Variants in ZCCHC10 observed in about 807,000 individuals in gnomAD.
ZCCHC10 encodes the protein zinc finger CCHC-type containing 10, also known as zinc finger CCHC domain-containing protein 10.
A neutral mutation model predicts 19.5 loss-of-function variants in ZCCHC10; 16 were observed. That is an observed-to-expected ratio of 0.82 (90% CI 0.56 to 1.25). ZCCHC10 has a LOEUF of 1.25. ZCCHC10 is among the 50% of genes most tolerant of loss of function. ZCCHC10 has a pLI of 0.00. For synonymous variants in ZCCHC10, 67 were observed against 72.5 expected, an observed-to-expected ratio of 0.92 and a Z score of 0.38; for missense variants, 197 against 201.0, an observed-to-expected ratio of 0.98 and a Z score of 0.12.
intron 2 of ZCCHC10, among the ~76,000 whole-genome samples, chr5:133,012,614 G>C (rs1208518090): frequency 1.3e-5 from 2 of 151,212 alleles, no homozygotes; most frequent in African/African-American, 2.4e-5. Context: ...TGAAAAGATA[G>C]TACAAAAATG....
In ZCCHC10 at chr5:133,010,215, AT is replaced by A. The variant is rs543354582; in HGVS notation, c.108-3296del. ...AGGCACACACCACCACGCACGGCTA[AT>A]TTTTTTTATTTTAGTAGAGACGGGG... On this transcript the variant is annotated intron_variant, in intron 2 of 4. Transcript: ENST00000509437. Among the ~76,000 whole-genome samples, 38 of 151,756 alleles carry A rather than the reference AT, an allele frequency of 2.5e-4. No individual in the cohort carries two copies. In the South Asian group the frequency reaches 5.2e-3, roughly 21 times the overall value.
At chr5:133,000,292 CACAT>C (rs1762685397) in intron 3 of ZCCHC10, 119 bp from the exon 4 acceptor site, 13 of 1,142,140 alleles carry the variant, frequency 1.1e-5, no homozygotes, top group Non-Finnish European at 1.6e-5. Context: ...GTGTTTTTAT[CACAT>C]ACAGAGTACA....
intron 4 of ZCCHC10, among the ~76,000 whole-genome samples, chr5:132,999,474 G>A (rs1762628777): frequency 6.6e-6 from 1 of 152,136 alleles, no homozygotes; most frequent in Admixed American, 6.6e-5. Flanking sequence ...TAAACCTCAC[G>A]TAGCTTAGCT....
chr5:133,014,154 C>CTTTTTTTTT (rs767551153), intron 2 of ZCCHC10, among the ~76,000 whole-genome samples: 1 of 113,074 alleles, frequency 8.8e-6, no homozygotes, highest in Non-Finnish European at 1.7e-5. Context: ...ACTATTTACT[C>CTTTTTTTTT]TTTTTTTTTT....
chr5:133,008,218 C>T (rs1222764663), intron 2 of ZCCHC10, among the ~76,000 whole-genome samples: 1 of 115,348 alleles, frequency 8.7e-6, no homozygotes, highest in Non-Finnish European at 1.7e-5. Flanking sequence ...GAGTGAGACT[C>T]TGTCTCAAAA....
At chr5:133,004,869 T>C (rs577023863) in intron 3 of ZCCHC10, among the ~76,000 whole-genome samples, 1 of 152,330 alleles carries the variant, frequency 6.6e-6, no homozygotes, top group South Asian at 2.1e-4. Flanking sequence ...CTTTTGTTAT[T>C]TCCATGTCAC....
chr5:133,005,732 C>T (rs1403012382), intron 3 of ZCCHC10, among the ~76,000 whole-genome samples: 4 of 152,070 alleles, frequency 2.6e-5, no homozygotes, highest in Non-Finnish European at 5.9e-5. Context: ...AGAGGTATAC[C>T]TTTCTTTTGT....
At chr5:133,023,973 C>T (rs1461932602) in intron 1 of ZCCHC10, among the ~76,000 whole-genome samples, 1 of 152,178 alleles carries the variant, frequency 6.6e-6, no homozygotes, top group Non-Finnish European at 1.5e-5. Flanking sequence ...AAAGGCCCTC[C>T]TTTGCTGAAT....
At chr5:133,019,116 G>A in intron 2 of ZCCHC10, 2 of 449,578 alleles carry the variant, frequency 4.4e-6, no homozygotes. Context: ...GGACGCAGTG[G>A]CTCACGCCTA....
chr5:133,006,182 ACCATGTTGGCCAGGCGTCG>A (rs1192244638), intron 3 of ZCCHC10, among the ~76,000 whole-genome samples: 1 of 147,078 alleles, frequency 6.8e-6, no homozygotes, highest in African/African-American at 2.4e-5. Flanking sequence ...ATGGAATTTC[ACCATGTTGGCCAGGCGTCG>A]GCCTCCCAAA....
chr5:133,016,888 C>T (rs1454496267), intron 2 of ZCCHC10, among the ~76,000 whole-genome samples: 1 of 151,908 alleles, frequency 6.6e-6, no homozygotes, highest in Non-Finnish European at 1.5e-5. Context: ...CTTAACTTCA[C>T]TTGGAATCTG....
At chr5:133,008,487 G>C (rs866059792) in intron 2 of ZCCHC10, among the ~76,000 whole-genome samples, 9 of 144,426 alleles carry the variant, frequency 6.2e-5, no homozygotes, top group Non-Finnish European at 1.2e-4. Flanking sequence ...GCAGTGAGCC[G>C]AGATTGCGCC....
chr5:133,015,805 T>TA (rs1395740377), intron 2 of ZCCHC10, among the ~76,000 whole-genome samples: 1 of 152,208 alleles, frequency 6.6e-6, no homozygotes, highest in East Asian at 1.9e-4. Flanking sequence ...TTTATTGTTA[T>TA]AAGCCACTAA....
intron 1 of ZCCHC10, among the ~76,000 whole-genome samples, 167 bp from the exon 2 acceptor site, chr5:133,023,073 A>T (rs1237238567): frequency 6.6e-6 from 1 of 152,184 alleles, no homozygotes; most frequent in Non-Finnish European, 1.5e-5. Context: ...TAAGAAAGAA[A>T]TGGGGTTTAA....
chr5:133,009,325 C>A (rs7725601), intron 2 of ZCCHC10, among the ~76,000 whole-genome samples: 46,954 of 151,142 alleles, frequency 0.31, 8,172 homozygotes, highest in African/African-American at 0.48. Context: ...TTAAAAAAAA[C>A]CAAAAAAGAT....
intron 1 of ZCCHC10, among the ~76,000 whole-genome samples, chr5:133,024,693 G>A (rs766256623): frequency 2.0e-5 from 3 of 152,262 alleles, no homozygotes; most frequent in South Asian, 2.1e-4. Flanking sequence ...CTTGACATCA[G>A]GAGTTCGAGA....
chr5:133,015,783 T>C (rs1026898904), intron 2 of ZCCHC10, among the ~76,000 whole-genome samples: 2 of 152,144 alleles, frequency 1.3e-5, no homozygotes, highest in Non-Finnish European at 2.9e-5. Flanking sequence ...CCAGGGAAAC[T>C]GTGAATTGAT....
intron 2 of ZCCHC10, among the ~76,000 whole-genome samples, chr5:133,016,675 T>A (rs979888110): frequency 1.3e-5 from 2 of 152,144 alleles, no homozygotes; most frequent in Non-Finnish European, 2.9e-5. Context: ...ACTCCTGACC[T>A]CAGGTGATCT....
intron 2 of ZCCHC10, among the ~76,000 whole-genome samples, chr5:133,013,595 G>A (rs980632744): frequency 6.6e-6 from 1 of 150,864 alleles, no homozygotes; most frequent in Non-Finnish European, 1.5e-5. Flanking sequence ...GGTGGTGCGC[G>A]CCTGTAGTCC....
Sources: gnomAD v4.1 joint callset for allele counts (sites outside exome capture counted in the v4.1 genomes callset) on GRCh38, gnomAD v4.1.1 for gene constraint, MANE v1.5 for transcripts, NCBI Gene and HGNC (gene_info 2026-07-23, HGNC 2026-07-21) for gene names.